LMTK2: variants seen among roughly 807,000 people sequenced by gnomAD.
The protein encoded by LMTK2 is serine/threonine-protein kinase LMTK2.
A neutral mutation model predicts 127.5 loss-of-function variants in LMTK2; 37 were observed. The observed-to-expected ratio is 0.29, with a 90% CI of 0.22 to 0.38. The LOEUF (loss-of-function observed/expected upper bound fraction) is 0.38. Among genes scored for constraint, LMTK2 ranks in the 10% least tolerant of loss-of-function variants. The pLI, the probability that LMTK2 is intolerant of heterozygous loss-of-function variation, is 1.00. For synonymous variants in LMTK2, 819 were observed against 810.1 expected (o/e 1.01, Z -0.19); for missense variants, 1,694 against 1,920.3 (o/e 0.88, Z 2.20).
intron 6 of LMTK2, among the ~76,000 whole-genome samples, chr7:98,165,947 G>A (rs920257132): frequency 6.6e-6 from 1 of 152,164 alleles, no homozygotes; most frequent in Admixed American, 6.5e-5. Context: ...CATGGGTTGA[G>A]GTGTGGGGGT....
At chr7:98,131,456 G>A (rs545751504) in intron 1 of LMTK2, among the ~76,000 whole-genome samples, 15 of 151,796 alleles carry the variant, frequency 9.9e-5, no homozygotes, top group Admixed American at 2.6e-4. Flanking sequence ...TTACATTCTT[G>A]TGGTGGTATT....
At chr7:98,113,504 T>G (rs1463976481) in intron 1 of LMTK2, among the ~76,000 whole-genome samples, 1 of 152,182 alleles carries the variant, frequency 6.6e-6, no homozygotes, top group African/African-American at 2.4e-5. Context: ...CAAGTGATCC[T>G]CCTGCCTCAG....
In LMTK2 at chr7:98,192,858, T is replaced by C; in HGVS notation, c.2393T>C (p.Leu798Pro). The change falls in exon 11 of 14, where the codon CTC (leucine) becomes CCC (proline). Residue 798 changes from leucine (L) to proline (P), a missense_variant. Transcript: ENST00000297293. Reference protein sequence around the residue: ...STKGDDTDVMLTGDTLSTSLQ... With the variant: ...STKGDDTDVMPTGDTLSTSLQ... Reference sequence around the variant, plus strand: ...AAGGGTGACGATACAGATGTCATGCTCACAGGTGACACTTTGAGCACCTCA... The same window carrying C: ...AAGGGTGACGATACAGATGTCATGCCCACAGGTGACACTTTGAGCACCTCA... The C allele has an allele frequency of 6.2e-7, 1 of 1,614,072 alleles. No homozygotes were observed. Among genetic ancestry groups the C allele is most frequent in the East Asian group, 2.2e-5 (1 of 44,874 alleles).
chr7:98,187,056 C>T, intron 9 of LMTK2, 58 bp downstream of exon 9: 1 of 1,513,606 alleles, frequency 6.6e-7, no homozygotes, highest in Non-Finnish European at 9.0e-7. Context: ...TAACTTCTTC[C>T]TCTTTGAGTA....
intron 5 of LMTK2, 72 bp downstream of exon 5, chr7:98,154,948 T>C (rs1796906817): frequency 1.2e-6 from 1 of 867,852 alleles, no homozygotes; most frequent in African/African-American, 1.7e-5. Flanking sequence ...TTAAAACTAC[T>C]GTGGGATTTC....
At chr7:98,133,372 G>A (rs1030720364) in intron 1 of LMTK2, among the ~76,000 whole-genome samples, 7 of 151,876 alleles carry the variant, frequency 4.6e-5, no homozygotes, top group Non-Finnish European at 7.4e-5. Flanking sequence ...TGACCACGGC[G>A]GTATAGGGAT....
At chr7:98,115,145 T>A (rs1796259224) in intron 1 of LMTK2, among the ~76,000 whole-genome samples, 2 of 152,190 alleles carry the variant, frequency 1.3e-5, no homozygotes, top group African/African-American at 4.8e-5. Flanking sequence ...CTGGGTACAG[T>A]GGCTCATGCC....
chr7:98,115,170 G>T (rs1312898806), intron 1 of LMTK2, among the ~76,000 whole-genome samples: 1 of 152,008 alleles, frequency 6.6e-6, no homozygotes, highest in Admixed American at 6.6e-5. Flanking sequence ...ATCCCAGCAC[G>T]GTGGGAGGTC....
At chr7:98,186,684 A>G (rs531039657) in intron 8 of LMTK2, among the ~76,000 whole-genome samples, 193 bp from the exon 9 acceptor site, 30 of 152,320 alleles carry the variant, frequency 2.0e-4, no homozygotes, top group African/African-American at 7.2e-4. Flanking sequence ...AGATGAGGTC[A>G]TGAAGCCCAG....
rs982237614 is a variant in LMTK2, at chr7:98,107,072, G to T, written c.-106G>T. On this transcript the variant is annotated 5_prime_UTR_variant, in exon 1 of 14. Coordinates refer to ENST00000297293, the MANE Select transcript of LMTK2 (RefSeq NM_014916.4). ...ACGTGTGCTCGGGAGCAACCGGCGC[G>T]GGTGCCACTGAGGCAGCGGAGGGAG... The T allele has an allele frequency of 1.1e-5, 9 of 840,636 alleles. No homozygotes were observed. Among genetic ancestry groups the T allele is most frequent in the Non-Finnish European group, 1.2e-5 (7 of 598,008 alleles). The allele number at this position is 840,636 out of a possible 1,614,324, so 52.1% of individuals were successfully genotyped here. A position where few individuals can be genotyped will look rare whatever the true frequency, so the allele number is the denominator to read the frequency against.
chr7:98,136,477 A>G (rs750007521), intron 1 of LMTK2, among the ~76,000 whole-genome samples: 8 of 152,208 alleles, frequency 5.3e-5, no homozygotes, highest in African/African-American at 1.9e-4. Flanking sequence ...GATATTACTA[A>G]TTACTGGAGG....
Position 98,207,475 on chromosome 7 carries a change from G to A in LMTK2, c.*1983G>A, listed in dbSNP as rs1049478960. 6.6e-6 allele frequency: 1 copy of A among 151,424 alleles called. No individual in the cohort carries two copies. The highest frequency in any genetic ancestry group is 2.4e-5 in the African/African-American group (1 of 41,170). 9.4% of individuals were successfully genotyped at this position (151,424 alleles called of 1,614,324 possible). The stretch of plus-strand genomic sequence containing the variant: ...GATGCGGTGCCCACCTGGGCTATGT[G>A]GGGAGCACCACTGTCTCGGGATGCG... On this transcript the variant is annotated 3_prime_UTR_variant, in exon 14 of 14. Transcript: ENST00000297293.
rs150172396 is a variant in LMTK2, at chr7:98,120,533, T to C, written c.103+13253T>C. 3.9e-3 allele frequency among the ~76,000 whole-genome samples: 601 copies of C among 152,342 alleles called. 4 individuals are homozygous for C. The highest frequency in any genetic ancestry group is 0.013 in the African/African-American group (552 of 41,572). On this transcript the variant is annotated intron_variant, in intron 1 of 13. Coordinates refer to ENST00000297293, the MANE Select transcript of LMTK2 (RefSeq NM_014916.4). ...AGCTTTTTACTGCAAAACTAAAGTGTTGTGATCTATTGGTGGCCTCTCAGA... is the reference window on the plus strand; with the variant it reads ...AGCTTTTTACTGCAAAACTAAAGTGCTGTGATCTATTGGTGGCCTCTCAGA...
chr7:98,119,749 C>T (rs186152258), intron 1 of LMTK2, among the ~76,000 whole-genome samples: 4 of 152,228 alleles, frequency 2.6e-5, no homozygotes, highest in Admixed American at 1.3e-4. Flanking sequence ...GGTATAAAAC[C>T]GTGACATTCT....
intron 2 of LMTK2, among the ~76,000 whole-genome samples, chr7:98,140,143 T>TTTG (rs1287075522): frequency 1.4e-4 from 1 of 7,338 alleles, no homozygotes; most frequent in African/African-American, 3.4e-4. Flanking sequence ...TCTTTCTTTC[T>TTTG]TTTCTTTTCT....
At chr7:98,160,241 C>T (rs74562249) in intron 6 of LMTK2, among the ~76,000 whole-genome samples, 2 of 152,250 alleles carry the variant, frequency 1.3e-5, no homozygotes, top group African/African-American at 2.4e-5. Context: ...AGGAGTACCC[C>T]AAAACAAATT....
intron 9 of LMTK2, among the ~76,000 whole-genome samples, chr7:98,189,978 T>C (rs1311806999): frequency 6.6e-6 from 1 of 151,978 alleles, no homozygotes; most frequent in Non-Finnish European, 1.5e-5. Context: ...TGGTGTTTAC[T>C]AATGTTGTTA....
intron 1 of LMTK2, among the ~76,000 whole-genome samples, chr7:98,133,358 A>T (rs989779960): frequency 6.6e-6 from 1 of 151,984 alleles, no homozygotes; most frequent in African/African-American, 2.4e-5. Flanking sequence ...ACTGGTTTCT[A>T]GTTTGACCAC....
Position 98,208,986 on chromosome 7 carries a change from T to A in LMTK2, c.*3494T>A, listed in dbSNP as rs1797849296. The A allele has an allele frequency of 6.6e-6, 1 of 152,152 alleles. No individual in the cohort carries two copies. The highest frequency in any genetic ancestry group is 6.5e-5 in the Admixed American group (1 of 15,268). The allele number at this position is 152,152 out of a possible 1,614,324, so 9.4% of individuals were successfully genotyped here. On this transcript the variant is annotated 3_prime_UTR_variant, in exon 14 of 14. Coordinates refer to ENST00000297293, the MANE Select transcript of LMTK2 (RefSeq NM_014916.4). ...TGCATGCCTGTCCCCAGGGCCCCGG[T>A]GGAAGGAAGGCAGCGCCTGCTCTTC... is the stretch of plus-strand genomic sequence containing the variant.
Sources: gnomAD v4.1 joint callset for allele counts (sites outside exome capture counted in the v4.1 genomes callset) on GRCh38, gnomAD v4.1.1 for gene constraint, MANE v1.5 for transcripts, NCBI Gene and HGNC (gene_info 2026-07-23, HGNC 2026-07-21) for gene names.